Variants in CNTNAP2 observed in about 807,000 individuals in gnomAD.
The protein encoded by CNTNAP2 is contactin associated protein 2.
Under a neutral mutation model 155.2 loss-of-function variants are expected in CNTNAP2, and 98 were observed. That is an observed-to-expected ratio of 0.63 (90% CI 0.54 to 0.75). CNTNAP2 has a LOEUF of 0.75. CNTNAP2 is among the 30% of genes least tolerant of loss of function. The pLI is 0.00. For missense variants in CNTNAP2, 1,727 were observed against 1,688.1 expected (o/e 1.02, Z -0.40); for synonymous variants, 651 against 631.2 (o/e 1.03, Z -0.47).
chr7:146,382,030 G>T (rs895851634), intron 1 of CNTNAP2, among the ~76,000 whole-genome samples: 2 of 152,144 alleles, frequency 1.3e-5, no homozygotes, highest in Non-Finnish European at 2.9e-5. Flanking sequence ...GTTTCTTCAG[G>T]TTGCTGTTTT....
rs543018476 is a variant in CNTNAP2, at chr7:147,351,243, T to C, written c.1499-44366T>C. On this transcript the variant is annotated intron_variant, in intron 9 of 23. Transcript: ENST00000361727. ...CCTCTTTATGATTTGAGTGCTAGAT[T>C]AGTTTTACACCTAATAATGTAGAAA... 4.3e-4 allele frequency among the ~76,000 whole-genome samples: 65 copies of C among 151,956 alleles called. 2 individuals are homozygous for C. The South Asian group carries it at 0.013, about 31-fold the overall frequency.
chr7:147,655,106 C>A (rs1385212205), intron 13 of CNTNAP2, among the ~76,000 whole-genome samples: 1 of 150,470 alleles, frequency 6.6e-6, no homozygotes, highest in Non-Finnish European at 1.5e-5. Flanking sequence ...AGCTACCATG[C>A]CTGGCCCATA....
At chr7:147,239,800 A>T (rs1803898462) in intron 8 of CNTNAP2, among the ~76,000 whole-genome samples, 2 of 152,206 alleles carry the variant, frequency 1.3e-5, no homozygotes, top group Non-Finnish European at 2.9e-5. Flanking sequence ...AGATATCATC[A>T]TCCTCTTTTC....
At chr7:148,148,677 C>A (rs1054758465) in intron 17 of CNTNAP2, among the ~76,000 whole-genome samples, 5 of 152,208 alleles carry the variant, frequency 3.3e-5, no homozygotes, top group Non-Finnish European at 5.9e-5. Context: ...GGGGCAGAGT[C>A]CCCACAGTGT....
intron 13 of CNTNAP2, among the ~76,000 whole-genome samples, chr7:147,771,082 G>A (rs1797461672): frequency 6.6e-6 from 1 of 152,158 alleles, no homozygotes; most frequent in Non-Finnish European, 1.5e-5. Flanking sequence ...CCAAGGTAGT[G>A]ACAAAGAGTA....
intron 2 of CNTNAP2, among the ~76,000 whole-genome samples, chr7:146,789,817 G>A (rs1461950849): frequency 6.6e-6 from 1 of 151,262 alleles, no homozygotes. Context: ...GGAAAAAGCA[G>A]TAAGTCAGTA....
At chr7:148,011,593 C>G (rs1802083972) in intron 15 of CNTNAP2, among the ~76,000 whole-genome samples, 1 of 152,170 alleles carries the variant, frequency 6.6e-6, no homozygotes, top group Non-Finnish European at 1.5e-5. Flanking sequence ...TTGCACCTTG[C>G]AATGTGTGAG....
intron 1 of CNTNAP2, among the ~76,000 whole-genome samples, chr7:146,313,031 A>C (rs1427550781): frequency 6.6e-6 from 1 of 152,206 alleles, no homozygotes; most frequent in South Asian, 2.1e-4. Flanking sequence ...GAATGCCGAT[A>C]TCTCCTTGAC....
At chr7:147,702,270 G>A (rs1796246918) in intron 13 of CNTNAP2, among the ~76,000 whole-genome samples, 1 of 151,790 alleles carries the variant, frequency 6.6e-6, no homozygotes, top group Non-Finnish European at 1.5e-5. Flanking sequence ...TGTATCAATG[G>A]CATCAATATT....
At chr7:146,201,682 G>GA (rs1584799904) in intron 1 of CNTNAP2, among the ~76,000 whole-genome samples, 1 of 149,126 alleles carries the variant, frequency 6.7e-6, no homozygotes, top group Admixed American at 6.7e-5. Context: ...GTGTGAATCA[G>GA]AAAAAAATAT....
intron 13 of CNTNAP2, among the ~76,000 whole-genome samples, chr7:147,670,734 C>T (rs766213555): frequency 8.5e-5 from 13 of 152,264 alleles, no homozygotes; most frequent in East Asian, 5.8e-4. Context: ...GTAAAATCCC[C>T]GACAGTTGCC....
chr7:146,663,277 C>CAAAAAAAAAAAAAAAA (rs543257224), intron 1 of CNTNAP2, among the ~76,000 whole-genome samples: 16 of 33,196 alleles, frequency 4.8e-4, no homozygotes, highest in African/African-American at 9.1e-4. Flanking sequence ...AACTCCATCT[C>CAAAAAAAAAAAAAAAA]AAAAAAAAAA....
Position 146,163,910 on chromosome 7 carries a change from C to T in CNTNAP2, c.97+46937C>T, listed in dbSNP as rs112040369. 5.9e-3 allele frequency among the ~76,000 whole-genome samples: 895 copies of T among 152,246 alleles called. 5 individuals carry two copies. The highest frequency in any genetic ancestry group is 9.7e-3 in the Non-Finnish European group (660 of 68,028). On this transcript the variant is annotated intron_variant, in intron 1 of 23. Transcript: ENST00000361727. ...TAGTAAGTGTTCCAGACCCAGCTCT[C>T]TTCAGACTGATGGTTCGGAATCCAT... is the stretch of plus-strand genomic sequence containing the variant.
intron 12 of CNTNAP2, among the ~76,000 whole-genome samples, chr7:147,603,396 C>T (rs1304352589): frequency 6.6e-6 from 1 of 151,930 alleles, no homozygotes; most frequent in African/African-American, 2.4e-5. Context: ...AATCAATGTA[C>T]AAAAATCACA....
At chr7:146,403,486 T>A (rs890517892) in intron 1 of CNTNAP2, among the ~76,000 whole-genome samples, 6 of 152,230 alleles carry the variant, frequency 3.9e-5, no homozygotes, top group African/African-American at 1.4e-4. Flanking sequence ...CTATTTGAGA[T>A]AATGTGAATT....
intron 14 of CNTNAP2, among the ~76,000 whole-genome samples, chr7:147,969,921 T>G (rs1801303552): frequency 6.6e-6 from 1 of 151,468 alleles, no homozygotes; most frequent in Admixed American, 6.6e-5. Context: ...TTATTTTATT[T>G]TATTTTATTT....
At chr7:146,532,533 A>G (rs941630218) in intron 1 of CNTNAP2, among the ~76,000 whole-genome samples, 35 of 152,302 alleles carry the variant, frequency 2.3e-4, no homozygotes, top group African/African-American at 8.4e-4. Flanking sequence ...AGAATATGAC[A>G]TCTAGCCTCA....
At chr7:147,686,635 A>G (rs909123090) in intron 13 of CNTNAP2, among the ~76,000 whole-genome samples, 1 of 151,966 alleles carries the variant, frequency 6.6e-6, no homozygotes, top group Non-Finnish European at 1.5e-5. Context: ...GATGAGAAAA[A>G]CCACAAAAGA....
chr7:148,216,116 T>C, intron 18 of CNTNAP2, among the ~76,000 whole-genome samples: 1 of 152,142 alleles, frequency 6.6e-6, no homozygotes, highest in Non-Finnish European at 1.5e-5. Context: ...GGCACAGCCC[T>C]TCACAGTGAG....
Sources: allele counts gnomAD v4.1 joint callset (sites outside exome capture counted in the v4.1 genomes callset), GRCh38; gene constraint gnomAD v4.1.1; transcripts MANE v1.5; gene names NCBI Gene and HGNC (gene_info 2026-07-23, HGNC 2026-07-21).